Variants in PRDM5 observed in about 807,000 individuals in gnomAD.
The protein encoded by PRDM5 is PR/SET domain 5, also known as PR domain zinc finger protein 5.
Under a neutral mutation model 81.2 loss-of-function variants are expected in PRDM5, and 56 were observed. The observed-to-expected ratio is 0.69, with a 90% CI of 0.56 to 0.86. The LOEUF (loss-of-function observed/expected upper bound fraction) is 0.86, where lower values mean the gene tolerates loss of function less well. Ranked by LOEUF, PRDM5 falls within the 40% of genes least tolerant of loss-of-function variation. The pLI is 0.00. For synonymous variants in PRDM5, 267 were observed against 256.4 expected, an observed-to-expected ratio of 1.04 and a Z score of -0.39; for missense variants, 697 against 770.1, an observed-to-expected ratio of 0.91 and a Z score of 1.12.
chr4:120,763,358 T>C (rs1745917177), intron 13 of PRDM5, among the ~76,000 whole-genome samples: 1 of 152,100 alleles, frequency 6.6e-6, no homozygotes, highest in South Asian at 2.1e-4. Context: ...AGTAAAAGAT[T>C]CCCTACTCAG....
At position 120,904,189 on chromosome 4, in the gene PRDM5, C is replaced by CAAAAAA. The variant is rs1170050475; in HGVS notation, c.177+3279_177+3284dup. ...TGGGTGACAGAGGGAGACTCCTTCT[C>CAAAAAA]AAAAAAAAAAAAAAAACAAAAAAAC... On this transcript the variant is annotated intron_variant, in intron 2 of 15. Transcript: ENST00000264808. Among the ~76,000 whole-genome samples, 197 of 42,562 alleles carry CAAAAAA rather than the reference C, an allele frequency of 4.6e-3. 60 individuals are homozygous for CAAAAAA. Among genetic ancestry groups the CAAAAAA allele is most frequent in the South Asian group, 0.018 (10 of 546 alleles). The allele number at this position is 42,562 out of a possible 152,430, so 27.9% of individuals were successfully genotyped here.
intron 13 of PRDM5, among the ~76,000 whole-genome samples, chr4:120,765,189 A>G (rs1036744631): frequency 2.0e-5 from 3 of 152,198 alleles, no homozygotes; most frequent in Non-Finnish European, 4.4e-5. Flanking sequence ...TTTATATCTA[A>G]GCTGATCACA....
In PRDM5 at chr4:120,865,179, T is replaced by C. The variant is rs192954834; in HGVS notation, c.178-11639A>G. ...CACGGGAACCTTTCAAGAAAGGAAT[T>C]TGGGACACTCCAAGTGGGGAGAAAT... On this transcript the variant is annotated intron_variant, in intron 2 of 15. Coordinates refer to ENST00000264808, the MANE Select transcript of PRDM5 (RefSeq NM_018699.4). Among the ~76,000 whole-genome samples, 5 of 152,320 alleles carry C rather than the reference T, an allele frequency of 3.3e-5. No homozygotes were observed. The East Asian group carries it at 5.8e-4, about 18-fold the overall frequency.
intron 10 of PRDM5, among the ~76,000 whole-genome samples, chr4:120,797,711 T>C (rs1305873436): frequency 6.6e-6 from 1 of 152,162 alleles, no homozygotes; most frequent in Non-Finnish European, 1.5e-5. Flanking sequence ...GTTATAAATG[T>C]GAGTCTGAAA....
chr4:120,780,025 C>T (rs1748814321), intron 12 of PRDM5, among the ~76,000 whole-genome samples: 1 of 152,002 alleles, frequency 6.6e-6, no homozygotes, highest in African/African-American at 2.4e-5. Context: ...AAGAAAGTTA[C>T]TCAATTCAAT....
At chr4:120,699,166 AT>A (rs1560889235) in intron 15 of PRDM5, among the ~76,000 whole-genome samples, 656 of 26,040 alleles carry the variant, frequency 0.025, 8 homozygotes, top group Middle Eastern at 0.12. Context: ...ATATAAATAT[AT>A]ATATATATAT....
chr4:120,809,443 T>C (rs1160901627), intron 8 of PRDM5, among the ~76,000 whole-genome samples: 2 of 152,086 alleles, frequency 1.3e-5, no homozygotes, highest in Middle Eastern at 3.2e-3. Context: ...AAAGATCATA[T>C]TTAAAGTGAA....
At chr4:120,815,105 T>G (rs1053362535) in intron 7 of PRDM5, among the ~76,000 whole-genome samples, 1 of 152,178 alleles carries the variant, frequency 6.6e-6, no homozygotes, top group African/African-American at 2.4e-5. Flanking sequence ...TTCAGCAAAC[T>G]TAAGCTTTAA....
intron 14 of PRDM5, among the ~76,000 whole-genome samples, chr4:120,753,002 T>C (rs1289376083): frequency 6.6e-6 from 1 of 152,172 alleles, no homozygotes; most frequent in African/African-American, 2.4e-5. Flanking sequence ...CTCACCTTCT[T>C]GAGAAAACCC....
chr4:120,738,385 A>G (rs1741427720), intron 14 of PRDM5, among the ~76,000 whole-genome samples: 1 of 152,228 alleles, frequency 6.6e-6, no homozygotes, highest in Admixed American at 6.5e-5. Flanking sequence ...CTAATATGAC[A>G]CCAATTATAA....
At chr4:120,686,100 G>GCTTTGC (rs926509371) in intron 1 of PRDM5, among the ~76,000 whole-genome samples, 5 of 151,958 alleles carry the variant, frequency 3.3e-5, no homozygotes, top group Admixed American at 2.0e-4. Context: ...GCATTCTCCT[G>GCTTTGC]CTTTGCCTTT....
At chr4:120,874,684 C>A (rs1392291072) in intron 2 of PRDM5, among the ~76,000 whole-genome samples, 2 of 152,112 alleles carry the variant, frequency 1.3e-5, no homozygotes, top group Non-Finnish European at 2.9e-5. Flanking sequence ...TTACTATTAG[C>A]TTTATTATTT....
At chr4:120,760,106 C>T (rs1248333472) in intron 13 of PRDM5, among the ~76,000 whole-genome samples, 5 of 152,214 alleles carry the variant, frequency 3.3e-5, no homozygotes, top group African/African-American at 1.2e-4. Flanking sequence ...TTTGAACCCA[C>T]TCTTAACCTC....
intron 14 of PRDM5, among the ~76,000 whole-genome samples, chr4:120,754,309 C>T (rs1561098444): frequency 6.6e-6 from 1 of 152,044 alleles, no homozygotes. Flanking sequence ...TCATTTATAA[C>T]TCCTGAAAAT....
intron 14 of PRDM5, among the ~76,000 whole-genome samples, chr4:120,720,622 G>A (rs1738469562): frequency 1.3e-5 from 2 of 152,124 alleles, no homozygotes; most frequent in Admixed American, 1.3e-4. Flanking sequence ...CAATCAAAAT[G>A]CATTGAGTTT....
rs146389297 is a variant in PRDM5 at position 120,803,641 on chromosome 4, A to G, written c.946-3896T>C. Reference sequence around the variant, plus strand: ...GTGAAGGAGAAATAAAATACTTTACAGACAAGAAAATGCTGAGATTTTGTC... The same window carrying G: ...GTGAAGGAGAAATAAAATACTTTACGGACAAGAAAATGCTGAGATTTTGTC... On this transcript the variant is annotated intron_variant, in intron 8 of 15. Coordinates refer to ENST00000264808, the MANE Select transcript of PRDM5 (RefSeq NM_018699.4). Among the ~76,000 whole-genome samples, 382 of 152,326 alleles carry G rather than the reference A, an allele frequency of 2.5e-3. 1 individual carries two copies. The highest frequency in any genetic ancestry group is 7.1e-3 in the African/African-American group (295 of 41,594).
intron 2 of PRDM5, among the ~76,000 whole-genome samples, chr4:120,890,157 G>A (rs986715094): frequency 1.3e-5 from 2 of 152,200 alleles, no homozygotes; most frequent in Non-Finnish European, 2.9e-5. Context: ...AAAGCATGGT[G>A]CTGGCATCTG....
chr4:120,799,951 C>A (rs1751891221), intron 8 of PRDM5, among the ~76,000 whole-genome samples: 1 of 152,122 alleles, frequency 6.6e-6, no homozygotes, highest in Non-Finnish European at 1.5e-5. Flanking sequence ...TCTTTTGAGA[C>A]ATAATACTCA....
intron 3 of PRDM5, among the ~76,000 whole-genome samples, chr4:120,849,843 G>C (rs1006886302): frequency 2.0e-5 from 3 of 151,994 alleles, no homozygotes; most frequent in Admixed American, 2.0e-4. Flanking sequence ...GGAGCTTAAG[G>C]ATATTTTAGT....
Sources: allele counts gnomAD v4.1 joint callset (sites outside exome capture counted in the v4.1 genomes callset), GRCh38; gene constraint gnomAD v4.1.1; transcripts MANE v1.5; gene names NCBI Gene and HGNC (gene_info 2026-07-23, HGNC 2026-07-21).